MARK3: variants seen among roughly 807,000 people sequenced by gnomAD.
MARK3 encodes MAP/microtubule affinity-regulating kinase 3.
A neutral mutation model predicts 90.1 loss-of-function variants in MARK3; 46 were observed. The ratio of observed to expected loss-of-function variants is 0.51; its 90% CI spans 0.40 to 0.65. The LOEUF (loss-of-function observed/expected upper bound fraction) is 0.65, where lower values mean the gene tolerates loss of function less well. MARK3 is among the 30% of genes least tolerant of loss of function. MARK3 has a pLI of 0.00. For missense variants in MARK3, 818 were observed against 947.2 expected, an observed-to-expected ratio of 0.86 and a Z score of 1.79; for synonymous variants, 321 against 332.6, an observed-to-expected ratio of 0.97 and a Z score of 0.38.
chr14:103,420,063 A>G (rs1465236694), intron 2 of MARK3, among the ~76,000 whole-genome samples: 1 of 152,176 alleles, frequency 6.6e-6, no homozygotes, highest in Non-Finnish European at 1.5e-5. Context: ...GATATAATTT[A>G]TATATTCCAT....
intron 3 of MARK3, among the ~76,000 whole-genome samples, chr14:103,438,554 A>G (rs903155586): frequency 3.3e-5 from 5 of 152,366 alleles, no homozygotes; most frequent in African/African-American, 1.2e-4. Context: ...AAATCTGATA[A>G]GTTAATTTTG....
chr14:103,454,408 C>T (rs2093229252), intron 5 of MARK3, among the ~76,000 whole-genome samples: 1 of 152,078 alleles, frequency 6.6e-6, no homozygotes, highest in Admixed American at 6.6e-5. Context: ...GCACACCACA[C>T]CTGGCTAATT....
intron 3 of MARK3, among the ~76,000 whole-genome samples, chr14:103,433,112 G>T (rs2092631944): frequency 7.3e-6 from 1 of 137,472 alleles, no homozygotes; most frequent in Non-Finnish European, 1.5e-5. Context: ...TTGAGACAGA[G>T]TCTTGCCCTG....
chr14:103,420,113 TA>T (rs1231426239), intron 2 of MARK3, among the ~76,000 whole-genome samples: 2 of 152,188 alleles, frequency 1.3e-5, no homozygotes, highest in East Asian at 3.8e-4. Context: ...CTAAAAAGCA[TA>T]AAAACAGTCA....
At chr14:103,397,984 A>G (rs549191980) in intron 1 of MARK3, among the ~76,000 whole-genome samples, 1 of 152,242 alleles carries the variant, frequency 6.6e-6, no homozygotes, top group South Asian at 2.1e-4. Flanking sequence ...GTTCTTACAT[A>G]GTTTATTTTG....
At chr14:103,462,966 A>ATCC (rs2093430045) in intron 7 of MARK3, among the ~76,000 whole-genome samples, 1 of 152,036 alleles carries the variant, frequency 6.6e-6, no homozygotes, top group Non-Finnish European at 1.5e-5. Context: ...ACCTACCCCC[A>ATCC]TCCATCACTT....
At position 103,397,178 on chromosome 14, in the gene MARK3, A is replaced by C. The variant is rs147732189; in HGVS notation, c.52-7898A>C. Among the ~76,000 whole-genome samples, 207 of 152,184 alleles carry C rather than the reference A, an allele frequency of 1.4e-3. 1 individual carries two copies. Among genetic ancestry groups the C allele is most frequent in the Admixed American group, 4.5e-3 (68 of 15,278 alleles). ...ACTCTGATTTTCTCTTGGGGCAGGA[A>C]TTGCCCCTTGTTTCAGTTGCTATTC... On this transcript the variant is annotated intron_variant, in intron 1 of 17. Transcript: ENST00000429436.
chr14:103,457,975 A>C (rs17679729), intron 6 of MARK3, among the ~76,000 whole-genome samples: 42 of 152,118 alleles, frequency 2.8e-4, no homozygotes, highest in Non-Finnish European at 4.7e-4. Flanking sequence ...CCTTTCAAGT[A>C]GGAGACCTGC....
In MARK3 at chr14:103,491,765, C is replaced by G. The variant is rs768637627; in HGVS notation, c.1587-12C>G. 2.5e-5 allele frequency: 40 copies of G among 1,611,444 alleles called. No homozygotes were observed. The East Asian group carries it at 6.9e-4, about 28-fold the overall frequency. ...TCATGTTCTGAGAGCTTCTTACTTT[C>G]TGATCTCATAGCACTATTCCTGATC... is the stretch of plus-strand genomic sequence containing the variant. On this transcript the variant is annotated splice_polypyrimidine_tract_variant and intron_variant, in intron 14 of 17. Transcript: ENST00000429436.
intron 15 of MARK3, among the ~76,000 whole-genome samples, chr14:103,494,992 T>TTA (rs1253187126): frequency 1.3e-5 from 2 of 151,798 alleles, no homozygotes; most frequent in East Asian, 1.9e-4. Flanking sequence ...TGTATGTACA[T>TTA]TATATATATG....
intron 14 of MARK3, among the ~76,000 whole-genome samples, chr14:103,485,887 T>A (rs746847215): frequency 7.9e-5 from 12 of 152,080 alleles, no homozygotes; most frequent in African/African-American, 2.2e-4. Flanking sequence ...ATATATATAT[T>A]TTTTAATTTT....
Position 103,386,422 on chromosome 14 carries a change from A to G in MARK3, c.51+342A>G, listed in dbSNP as rs538430411. The G allele has an allele frequency of 6.6e-6, 4 of 602,788 alleles. No homozygotes were observed. The East Asian group carries it at 1.5e-4, about 22-fold the overall frequency. 37.3% of individuals were successfully genotyped at this position (602,788 alleles called of 1,614,324 possible). ...CAGATCACTGCAGTGGTCAGTGCTT[A>G]TTTTAGCCGAACTCTGCTTTTAACT... On this transcript the variant is annotated intron_variant, in intron 1 of 17. Transcript: ENST00000429436.
At chr14:103,389,835 T>C (rs1479737894) in intron 1 of MARK3, among the ~76,000 whole-genome samples, 7 of 144,662 alleles carry the variant, frequency 4.8e-5, no homozygotes, top group African/African-American at 1.8e-4. Context: ...TCCCAGCTAC[T>C]TGGGAGGCTG....
intron 2 of MARK3, among the ~76,000 whole-genome samples, chr14:103,406,694 C>T (rs1055296839): frequency 6.8e-6 from 1 of 148,140 alleles, no homozygotes; most frequent in Non-Finnish European, 1.5e-5. Flanking sequence ...GCTCCGCCTT[C>T]TGGGTTCAAG....
chr14:103,495,899 G>A lies in MARK3; in HGVS notation c.1845-2603G>A, dbSNP rs552995498. Among the ~76,000 whole-genome samples the A allele has an allele frequency of 2.6e-5, 4 of 152,356 alleles. No homozygotes were observed. In the East Asian group the frequency reaches 7.7e-4, roughly 29 times the overall value. On this transcript the variant is annotated intron_variant, in intron 15 of 17. Coordinates refer to ENST00000429436, the MANE Select transcript of MARK3 (RefSeq NM_001128918.3). Reference sequence around the variant, plus strand: ...GGATTAAAATTGCATTGCCTGAAAGGCTGAGGTGTTTGCACTTAGATGCTG... The same window carrying A: ...GGATTAAAATTGCATTGCCTGAAAGACTGAGGTGTTTGCACTTAGATGCTG...
intron 14 of MARK3, among the ~76,000 whole-genome samples, chr14:103,483,298 T>C (rs915144058): frequency 1.3e-5 from 2 of 152,202 alleles, no homozygotes; most frequent in African/African-American, 4.8e-5. Context: ...GCCTTAAATA[T>C]TTTCGACATT....
intron 13 of MARK3, among the ~76,000 whole-genome samples, 172 bp downstream of exon 13, chr14:103,475,382 T>C (rs1464407590): frequency 1.3e-5 from 2 of 152,222 alleles, no homozygotes; most frequent in Non-Finnish European, 2.9e-5. Context: ...TAGGTATTTA[T>C]TGTTGACACT....
intron 17 of MARK3, among the ~76,000 whole-genome samples, chr14:103,500,865 T>C (rs955691866): frequency 6.6e-6 from 1 of 152,054 alleles, no homozygotes; most frequent in Admixed American, 6.5e-5. Flanking sequence ...CAAGTGAACC[T>C]CCCACCTCAA....
intron 1 of MARK3, among the ~76,000 whole-genome samples, chr14:103,399,135 T>G (rs537886492): frequency 1.3e-5 from 2 of 152,182 alleles, no homozygotes; most frequent in African/African-American, 4.8e-5. Context: ...GTTAAAAAAA[T>G]TTTTTACGGA....
Sources: gnomAD v4.1 joint callset for allele counts (sites outside exome capture counted in the v4.1 genomes callset) on GRCh38, gnomAD v4.1.1 for gene constraint, MANE v1.5 for transcripts, NCBI Gene and HGNC (gene_info 2026-07-23, HGNC 2026-07-21) for gene names.